IL1RAPL2: variants seen among roughly 807,000 people sequenced by gnomAD.
IL1RAPL2 encodes interleukin 1 receptor accessory protein like 2.
IL1RAPL2 carries 3 observed loss-of-function variants against 44.1 expected under a neutral mutation model. That is an observed-to-expected ratio of 0.07 (90% CI 0.03 to 0.18). IL1RAPL2 has a LOEUF of 0.18. Ranked by LOEUF, IL1RAPL2 falls within the 10% of genes least tolerant of loss-of-function variation. The pLI, the probability that IL1RAPL2 is intolerant of heterozygous loss-of-function variation, is 1.00. For synonymous variants in IL1RAPL2, 181 were observed against 178.8 expected (o/e 1.01, Z -0.10); for missense variants, 391 against 496.4 (o/e 0.79, Z 2.02).
At chrX:105,101,132 C>T (rs961634781) in intron 2 of IL1RAPL2, among the ~76,000 whole-genome samples, 9 of 111,902 alleles carry the variant, frequency 8.0e-5, no homozygotes, top group African/African-American at 2.9e-4. Context: ...CTCCCGATTC[C>T]TCTCCCCAGT....
chrX:104,632,534 G>C (rs1929675549), intron 1 of IL1RAPL2, among the ~76,000 whole-genome samples: 1 of 109,116 alleles, frequency 9.2e-6, no homozygotes, highest in Non-Finnish European at 1.9e-5. Flanking sequence ...GTGGTTTGTA[G>C]TTCTCCTTGA....
chrX:105,075,017 A>C (rs2032271022), intron 2 of IL1RAPL2, among the ~76,000 whole-genome samples: 1 of 111,113 alleles, frequency 9.0e-6, no homozygotes, highest in Non-Finnish European at 1.9e-5. Flanking sequence ...TCTTTTCCTA[A>C]ATGAATGCCC....
rs767956775 is a variant in IL1RAPL2, at chrX:105,687,449, C to T, written c.773-29918C>T. ...CTACCATCAGAGAATAATATAAATA[C>T]CTCTATGCAAATAAACTAGAAAATC... On this transcript the variant is annotated intron_variant, in intron 6 of 10. Transcript: ENST00000372582. 2.1e-4 allele frequency among the ~76,000 whole-genome samples: 23 copies of T among 111,326 alleles called. No homozygotes were observed. The South Asian group carries it at 2.7e-3, about 13-fold the overall frequency.
rs753044655 is a variant in IL1RAPL2, at chrX:105,657,330, A to AT, written c.773-60036dup. ...CTTTCAGCCATTTCCATCAGTTGGT[A>AT]TATCAAACTCTGTGTGTCTACTACC... On this transcript the variant is annotated intron_variant, in intron 6 of 10. Transcript: ENST00000372582. 4.5e-5 allele frequency among the ~76,000 whole-genome samples: 5 copies of AT among 112,205 alleles called. No homozygotes were observed. The Admixed American group carries it at 4.7e-4, about 11-fold the overall frequency.
At position 105,475,630 on chromosome X, in the gene IL1RAPL2, A is replaced by G. The variant is rs189712587; in HGVS notation, c.698-8683A>G. ...GGAGTACTATTTTAGAGAGAGAAAG[A>G]AAAATCTTACTTGAGGGGAAAAAGG... On this transcript the variant is annotated intron_variant, in intron 5 of 10. Coordinates refer to ENST00000372582, the MANE Select transcript of IL1RAPL2 (RefSeq NM_017416.2). Among the ~76,000 whole-genome samples, 1,016 of 110,109 alleles carry G rather than the reference A, an allele frequency of 9.2e-3. 9 individuals are homozygous for G. Among genetic ancestry groups the G allele is most frequent in the South Asian group, 0.042 (106 of 2,503 alleles).
At chrX:104,674,677 A>AGTTCCTCCC (rs1930704205) in intron 2 of IL1RAPL2, among the ~76,000 whole-genome samples, 1 of 110,173 alleles carries the variant, frequency 9.1e-6, no homozygotes, top group African/African-American at 3.3e-5. Flanking sequence ...GAATGGTACC[A>AGTTCCTCCC]GTTCCTCCTT....
chrX:105,017,161 C>G (rs897597462), intron 2 of IL1RAPL2, among the ~76,000 whole-genome samples: 6 of 110,611 alleles, frequency 5.4e-5, no homozygotes, highest in Non-Finnish European at 1.1e-4. Flanking sequence ...TCCCCTTTAT[C>G]ATTTGTATTG....
chrX:105,516,423 C>T (rs909674802), intron 6 of IL1RAPL2, among the ~76,000 whole-genome samples: 10 of 111,911 alleles, frequency 8.9e-5, no homozygotes, highest in African/African-American at 1.6e-4. Context: ...GATGGCATGA[C>T]ATCTGGAGAA....
intron 2 of IL1RAPL2, among the ~76,000 whole-genome samples, chrX:105,182,543 A>G: frequency 1.0e-5 from 1 of 96,456 alleles, no homozygotes; most frequent in Non-Finnish European, 2.1e-5. Context: ...AGTTTCTTGT[A>G]GGCAGCACGT....
chrX:104,742,464 G>GCT (rs971700682), intron 2 of IL1RAPL2, among the ~76,000 whole-genome samples: 2 of 111,494 alleles, frequency 1.8e-5, no homozygotes, highest in African/African-American at 6.5e-5. Context: ...CAAGGGTGAG[G>GCT]CTCTCAGTCT....
intron 5 of IL1RAPL2, among the ~76,000 whole-genome samples, chrX:105,423,197 A>G (rs2147746599): frequency 8.9e-6 from 1 of 111,885 alleles, no homozygotes; most frequent in South Asian, 3.7e-4. Context: ...TGTTTTCTGT[A>G]TAATTTTCAT....
At chrX:105,354,631 C>T (rs2035186820) in intron 5 of IL1RAPL2, among the ~76,000 whole-genome samples, 2 of 108,466 alleles carry the variant, frequency 1.8e-5, no homozygotes, top group African/African-American at 3.6e-5. Flanking sequence ...TGCACATGTA[C>T]CCTAAAACTT....
intron 5 of IL1RAPL2, among the ~76,000 whole-genome samples, chrX:105,476,255 A>G (rs2036196897): frequency 8.8e-6 from 1 of 113,092 alleles, no homozygotes; most frequent in East Asian, 2.8e-4. Flanking sequence ...TTTAAAAGCA[A>G]TGTAATCCTC....
In IL1RAPL2 at chrX:104,683,271, C is replaced by A. The variant is rs191034309; in HGVS notation, c.82+24276C>A. ...TCAAGTGCTGGATGAAGATTCTGTA[C>A]ACCTTGATTCTAGTCCTGGGAATAT... On this transcript the variant is annotated intron_variant, in intron 2 of 10. Coordinates refer to ENST00000372582, the MANE Select transcript of IL1RAPL2 (RefSeq NM_017416.2). Among the ~76,000 whole-genome samples the A allele has an allele frequency of 3.8e-4, 42 of 111,955 alleles. 1 individual carries two copies. In the East Asian group the frequency reaches 0.012, roughly 31 times the overall value.
intron 2 of IL1RAPL2, among the ~76,000 whole-genome samples, chrX:104,685,361 C>T (rs1293735531): frequency 8.9e-6 from 1 of 111,845 alleles, no homozygotes. Context: ...TCTATTTGCA[C>T]CTGCTCAATA....
At chrX:105,147,432 A>G (rs2033189436) in intron 2 of IL1RAPL2, among the ~76,000 whole-genome samples, 1 of 110,815 alleles carries the variant, frequency 9.0e-6, no homozygotes, top group Admixed American at 9.6e-5. Flanking sequence ...ACCACAATCA[A>G]TTTAGGAACA....
At chrX:105,005,536 A>G (rs184606772) in intron 2 of IL1RAPL2, among the ~76,000 whole-genome samples, 65 of 111,372 alleles carry the variant, frequency 5.8e-4, no homozygotes, top group African/African-American at 2.0e-3. Context: ...CATTGCATTA[A>G]GGATTAGGCA....
intron 2 of IL1RAPL2, among the ~76,000 whole-genome samples, chrX:105,125,233 C>T (rs1166753826): frequency 1.8e-5 from 2 of 110,348 alleles, no homozygotes; most frequent in Non-Finnish European, 3.8e-5. Flanking sequence ...TATTTTCTAC[C>T]ACATATATTC....
At chrX:104,688,075 G>A (rs754256221) in intron 2 of IL1RAPL2, among the ~76,000 whole-genome samples, 4 of 111,740 alleles carry the variant, frequency 3.6e-5, no homozygotes, top group East Asian at 5.6e-4. Flanking sequence ...ATCTCTCCCC[G>A]CCAGGCTCCT....
Sources: allele counts gnomAD v4.1 joint callset (sites outside exome capture counted in the v4.1 genomes callset), GRCh38; gene constraint gnomAD v4.1.1; transcripts MANE v1.5; gene names NCBI Gene and HGNC (gene_info 2026-07-23, HGNC 2026-07-21).